IKZF2: variants seen among roughly 807,000 people sequenced by gnomAD.
The protein encoded by IKZF2 is IKAROS family zinc finger 2.
In IKZF2, 15 loss-of-function variants were observed where a neutral mutation model predicts 49.2. The ratio of observed to expected loss-of-function variants is 0.30; its 90% CI spans 0.20 to 0.47. The LOEUF (loss-of-function observed/expected upper bound fraction) is 0.47. Ranked by LOEUF, IKZF2 falls within the 20% of genes least tolerant of loss-of-function variation. The pLI, the probability that IKZF2 is intolerant of heterozygous loss-of-function variation, is 1.00. For missense variants in IKZF2, 567 were observed against 664.6 expected (o/e 0.85, Z 1.61); for synonymous variants, 227 against 221.4 (o/e 1.03, Z -0.23).
intron 4 of IKZF2, among the ~76,000 whole-genome samples, chr2:213,085,329 C>T (rs1478121798): frequency 6.6e-6 from 1 of 152,030 alleles, no homozygotes; most frequent in Non-Finnish European, 1.5e-5. Context: ...TATTATGAGC[C>T]AAATTTGCCA....
At position 213,134,903 on chromosome 2, in the gene IKZF2, G is replaced by A. The variant is rs532814226; in HGVS notation, c.139+12805C>T. On this transcript the variant is annotated intron_variant, in intron 4 of 8. Coordinates refer to ENST00000434687, the MANE Select transcript of IKZF2 (RefSeq NM_001387220.1). Reference sequence around the variant, plus strand: ...CAGTGGATCTACTAACTCAAGTGGAGTCTGTGGCTTGTCCTCCACTTCTGA... The same window carrying A: ...CAGTGGATCTACTAACTCAAGTGGAATCTGTGGCTTGTCCTCCACTTCTGA... 1.0e-3 allele frequency among the ~76,000 whole-genome samples: 155 copies of A among 152,336 alleles called. 1 individual carries two copies. Among genetic ancestry groups the A allele is most frequent in the South Asian group, 2.1e-3 (10 of 4,824 alleles).
intron 4 of IKZF2, among the ~76,000 whole-genome samples, chr2:213,066,715 GTTC>G (rs1192321090): frequency 2.0e-5 from 3 of 151,902 alleles, no homozygotes; most frequent in Non-Finnish European, 4.4e-5. Flanking sequence ...TGTTGTTGTT[GTTC>G]TTCTTCTTTA....
chr2:213,150,433 G>T (rs985294444), intron 1 of IKZF2, 186 bp from the exon 2 acceptor site: 1 of 217,782 alleles, frequency 4.6e-6, no homozygotes, highest in East Asian at 1.2e-4. Context: ...ACAAAACCAA[G>T]AAATGAGAGA....
intron 5 of IKZF2, among the ~76,000 whole-genome samples, chr2:213,053,607 G>A (rs1700876785): frequency 6.6e-6 from 1 of 152,144 alleles, no homozygotes; most frequent in African/African-American, 2.4e-5. Context: ...ACAAAATACG[G>A]TGCTGAAAAC....
At chr2:213,100,544 T>C (rs568904530) in intron 4 of IKZF2, among the ~76,000 whole-genome samples, 3 of 152,048 alleles carry the variant, frequency 2.0e-5, no homozygotes, top group Non-Finnish European at 2.9e-5. Flanking sequence ...GTATTTAACA[T>C]ACTGTCTTAA....
At chr2:213,116,246 T>C (rs2059867100) in intron 4 of IKZF2, among the ~76,000 whole-genome samples, 1 of 152,220 alleles carries the variant, frequency 6.6e-6, no homozygotes, top group African/African-American at 2.4e-5. Flanking sequence ...CTTAGAAACA[T>C]GAAACAGTGT....
At chr2:213,071,409 C>T (rs780682145) in intron 4 of IKZF2, among the ~76,000 whole-genome samples, 1 of 152,030 alleles carries the variant, frequency 6.6e-6, no homozygotes, top group Non-Finnish European at 1.5e-5. Flanking sequence ...TTGAATGTAA[C>T]GAGTGAGTTT....
intron 4 of IKZF2, among the ~76,000 whole-genome samples, chr2:213,124,264 A>ACTCGCGCGCGCGCG (rs2060175493): frequency 1.2e-5 from 1 of 86,860 alleles, no homozygotes; most frequent in South Asian, 3.1e-4. Flanking sequence ...ACACACACAC[A>ACTCGCGCGCGCGCG]CACACACACA....
chr2:213,112,994 T>G (rs77472772), intron 4 of IKZF2, among the ~76,000 whole-genome samples: 12,934 of 152,134 alleles, frequency 0.085, 821 homozygotes, highest in South Asian at 0.3. Flanking sequence ...AAGCAAAAAC[T>G]TGCATCCCCA....
intron 4 of IKZF2, among the ~76,000 whole-genome samples, chr2:213,127,576 G>T (rs560243250): frequency 2.6e-5 from 4 of 152,286 alleles, no homozygotes; most frequent in African/African-American, 9.6e-5. Context: ...TTTTCCAGCT[G>T]TAGTAGTATA....
At chr2:213,059,960 A>G (rs1701525792) in intron 4 of IKZF2, among the ~76,000 whole-genome samples, 1 of 151,436 alleles carries the variant, frequency 6.6e-6, no homozygotes, top group Admixed American at 6.6e-5. Flanking sequence ...GTATGTTTAG[A>G]ATATATGAAT....
intron 4 of IKZF2, among the ~76,000 whole-genome samples, chr2:213,070,203 C>G (rs972133044): frequency 1.3e-5 from 2 of 152,024 alleles, no homozygotes; most frequent in African/African-American, 2.4e-5. Context: ...ACAGTAAAAT[C>G]CTGATAGTTT....
chr2:213,046,371 T>C (rs1321080236), intron 6 of IKZF2, among the ~76,000 whole-genome samples: 1 of 152,172 alleles, frequency 6.6e-6, no homozygotes, highest in East Asian at 1.9e-4. Context: ...CTCAATCTTT[T>C]TGCTTCAACC....
intron 6 of IKZF2, among the ~76,000 whole-genome samples, chr2:213,044,744 C>G (rs1248743117): frequency 6.6e-6 from 1 of 152,142 alleles, no homozygotes; most frequent in East Asian, 1.9e-4. Flanking sequence ...AAGTTTATGT[C>G]AGCTTTAAAA....
chr2:213,053,503 C>T (rs1700866713), intron 5 of IKZF2, among the ~76,000 whole-genome samples: 1 of 152,050 alleles, frequency 6.6e-6, no homozygotes, highest in Non-Finnish European at 1.5e-5. Flanking sequence ...AGAGGGTGCT[C>T]CTATGTTGGG....
chr2:213,066,782 G>A (rs1431423952), intron 4 of IKZF2, among the ~76,000 whole-genome samples: 2 of 151,856 alleles, frequency 1.3e-5, no homozygotes, highest in African/African-American at 4.8e-5. Flanking sequence ...ATTTTAAGTA[G>A]GATTACAGAA....
intron 4 of IKZF2, among the ~76,000 whole-genome samples, chr2:213,086,701 C>T (rs1704651864): frequency 6.6e-6 from 1 of 152,086 alleles, no homozygotes; most frequent in African/African-American, 2.4e-5. Flanking sequence ...AGGCACTAGT[C>T]CAGCAGCCCT....
chr2:213,065,956 G>C (rs1349887710), intron 4 of IKZF2, among the ~76,000 whole-genome samples: 1 of 152,042 alleles, frequency 6.6e-6, no homozygotes, highest in African/African-American at 2.4e-5. Context: ...AGAGAAAGTT[G>C]TCTGAGTAAG....
chr2:213,080,253 G>C (rs1409876978), intron 4 of IKZF2, among the ~76,000 whole-genome samples: 1 of 147,828 alleles, frequency 6.8e-6, no homozygotes, highest in African/African-American at 2.5e-5. Flanking sequence ...ATATGGAAAG[G>C]GAGATTCTTT....
Sources: gnomAD v4.1 joint callset for allele counts (sites outside exome capture counted in the v4.1 genomes callset) on GRCh38, gnomAD v4.1.1 for gene constraint, MANE v1.5 for transcripts, NCBI Gene and HGNC (gene_info 2026-07-23, HGNC 2026-07-21) for gene names.